Variants in PTPRD observed in about 807,000 individuals in gnomAD.
PTPRD encodes receptor-type tyrosine-protein phosphatase delta.
Under a neutral mutation model 214.5 loss-of-function variants are expected in PTPRD, and 34 were observed. The observed-to-expected ratio is 0.16, with a 90% CI of 0.12 to 0.21. PTPRD has a LOEUF of 0.21. PTPRD is among the 10% of genes least tolerant of loss of function. PTPRD has a pLI of 1.00. For synonymous variants in PTPRD, 1,128 were observed against 845.7 expected (o/e 1.33, Z -5.79); for missense variants, 2,545 against 2,398.7 (o/e 1.06, Z -1.27).
chr9:9,553,227 A>T (rs1333303195), intron 8 of PTPRD, among the ~76,000 whole-genome samples: 1 of 152,072 alleles, frequency 6.6e-6, no homozygotes, highest in African/African-American at 2.4e-5. Flanking sequence ...CATCCCTATA[A>T]ATATGTTTCT....
intron 35 of PTPRD, among the ~76,000 whole-genome samples, chr9:8,423,254 C>A (rs1278037371): frequency 6.6e-6 from 1 of 152,112 alleles, no homozygotes; most frequent in Non-Finnish European, 1.5e-5. Context: ...TATATGCCAC[C>A]TGACATACTG....
At chr9:10,246,353 C>A (rs1185811170) in intron 3 of PTPRD, among the ~76,000 whole-genome samples, 1 of 152,106 alleles carries the variant, frequency 6.6e-6, no homozygotes, top group Non-Finnish European at 1.5e-5. Flanking sequence ...AAGTAATTCT[C>A]CTGCCTCAGC....
chr9:8,536,830 A>C (rs759421245), intron 14 of PTPRD, among the ~76,000 whole-genome samples: 6 of 151,972 alleles, frequency 3.9e-5, no homozygotes, highest in African/African-American at 7.2e-5. Context: ...GACTACTCCA[A>C]AGCTTTATCT....
In PTPRD at chr9:8,524,523, T is replaced by C. The variant is rs182916709; in HGVS notation, c.679+402A>G. 2.2e-4 allele frequency among the ~76,000 whole-genome samples: 34 copies of C among 152,096 alleles called. No individual in the cohort carries two copies. In the East Asian group the frequency reaches 6.6e-3, roughly 29 times the overall value. ...GACATAAACACCTTTATGCTTGGAATTGCACAGAGAACTGATTAGTAGCAC... is the reference window on the plus strand; with the variant it reads ...GACATAAACACCTTTATGCTTGGAACTGCACAGAGAACTGATTAGTAGCAC... On this transcript the variant is annotated intron_variant, in intron 18 of 45. Transcript: ENST00000381196.
At chr9:9,396,048 A>T (rs2067681188) in intron 9 of PTPRD, among the ~76,000 whole-genome samples, 1 of 152,078 alleles carries the variant, frequency 6.6e-6, no homozygotes, top group Non-Finnish European at 1.5e-5. Context: ...TTTACAGTTT[A>T]CCCTGGAATA....
chr9:10,607,060 C>T (rs2079589383), intron 2 of PTPRD, among the ~76,000 whole-genome samples: 1 of 151,834 alleles, frequency 6.6e-6, no homozygotes, highest in Non-Finnish European at 1.5e-5. Flanking sequence ...GTAGAAAAGA[C>T]ACACATTTAA....
intron 7 of PTPRD, among the ~76,000 whole-genome samples, chr9:9,641,007 T>C (rs1361717077): frequency 8.5e-6 from 1 of 117,240 alleles, no homozygotes; most frequent in African/African-American, 2.6e-5. Context: ...TGATACCTCA[T>C]ATTGGCAATG....
chr9:9,504,276 G>C (rs1236592726), intron 8 of PTPRD, among the ~76,000 whole-genome samples: 2 of 151,592 alleles, frequency 1.3e-5, no homozygotes, highest in Non-Finnish European at 3.0e-5. Flanking sequence ...TTTGACATCT[G>C]TTTTATATGT....
intron 37 of PTPRD, among the ~76,000 whole-genome samples, chr9:8,377,033 G>GAA (rs2083453346): frequency 1.3e-5 from 2 of 152,086 alleles, no homozygotes; most frequent in Admixed American, 6.6e-5. Context: ...AGCTTGAAGA[G>GAA]AAAACAAATT....
chr9:8,342,270 G>A (rs75002347), intron 39 of PTPRD, among the ~76,000 whole-genome samples: 6,402 of 151,842 alleles, frequency 0.042, 450 homozygotes, highest in African/African-American at 0.15. Context: ...ACATTATTTC[G>A]AAAACTTTTG....
chr9:10,595,288 TTAAAAA>T (rs60381842), intron 2 of PTPRD, among the ~76,000 whole-genome samples: 7 of 151,924 alleles, frequency 4.6e-5, no homozygotes, highest in African/African-American at 1.7e-4. Flanking sequence ...GAAAAGTAAA[TTAAAAA>T]TAAAAAGAGA....
intron 10 of PTPRD, among the ~76,000 whole-genome samples, chr9:9,124,788 C>T (rs2099824737): frequency 2.0e-5 from 3 of 152,154 alleles, no homozygotes; most frequent in Admixed American, 2.0e-4. Flanking sequence ...AAAAATGTTA[C>T]AGGAGGAAAA....
intron 2 of PTPRD, among the ~76,000 whole-genome samples, chr9:10,418,446 TACACACACACACAC>T (rs3076350): frequency 8.3e-4 from 103 of 124,736 alleles, no homozygotes; most frequent in Middle Eastern, 3.9e-3. Context: ...CCTTCCCCTC[TACACACACACACAC>T]ACACACACAC....
At chr9:8,935,582 A>G (rs2098991326) in intron 11 of PTPRD, among the ~76,000 whole-genome samples, 1 of 152,190 alleles carries the variant, frequency 6.6e-6, no homozygotes, top group South Asian at 2.1e-4. Flanking sequence ...AGGAAGCCTA[A>G]CGAATGAATG....
At chr9:10,133,548 A>AGGTCT (rs148093055) in intron 3 of PTPRD, among the ~76,000 whole-genome samples, 18,870 of 152,092 alleles carry the variant, frequency 0.12, 1,276 homozygotes, top group South Asian at 0.26. Context: ...ATAACTTAAA[A>AGGTCT]GGTCTGTCTA....
At chr9:8,864,086 A>T (rs1341378114) in intron 11 of PTPRD, among the ~76,000 whole-genome samples, 1 of 152,254 alleles carries the variant, frequency 6.6e-6, no homozygotes, top group Non-Finnish European at 1.5e-5. Context: ...AGAATGGGAA[A>T]CACAATGGAA....
intron 3 of PTPRD, among the ~76,000 whole-genome samples, chr9:10,208,637 C>A (rs1184378493): frequency 1.3e-5 from 2 of 152,192 alleles, no homozygotes; most frequent in Non-Finnish European, 2.9e-5. Context: ...AACTCTAAAT[C>A]CTTGGGAGTC....
chr9:9,866,552 C>T (rs2063997664), intron 5 of PTPRD, among the ~76,000 whole-genome samples: 1 of 151,960 alleles, frequency 6.6e-6, no homozygotes, highest in African/African-American at 2.4e-5. Context: ...TAGTTATATA[C>T]ATAACTATCC....
chr9:9,531,591 G>C (rs1053755015), intron 8 of PTPRD, among the ~76,000 whole-genome samples: 3 of 151,966 alleles, frequency 2.0e-5, no homozygotes, highest in Non-Finnish European at 4.4e-5. Flanking sequence ...AGCATGTATC[G>C]GTATCTCATT....
Sources: gnomAD v4.1 joint callset for allele counts (sites outside exome capture counted in the v4.1 genomes callset) on GRCh38, gnomAD v4.1.1 for gene constraint, MANE v1.5 for transcripts, NCBI Gene and HGNC (gene_info 2026-07-23, HGNC 2026-07-21) for gene names.